EPHA3: variants seen among roughly 807,000 people sequenced by gnomAD.
The protein encoded by EPHA3 is ephrin type-A receptor 3.
EPHA3 carries 42 observed loss-of-function variants against 107.1 expected under a neutral mutation model. The observed-to-expected ratio is 0.39, with a 90% CI of 0.31 to 0.51. The LOEUF (loss-of-function observed/expected upper bound fraction) is 0.51. EPHA3 is among the 20% of genes least tolerant of loss of function. The pLI, the probability that EPHA3 is intolerant of heterozygous loss-of-function variation, is 0.78. For missense variants in EPHA3, 1,183 were observed against 1,211.2 expected, an observed-to-expected ratio of 0.98 and a Z score of 0.35; for synonymous variants, 461 against 424.8, an observed-to-expected ratio of 1.09 and a Z score of -1.05.
chr3:89,137,314 A>G (rs1394962593), intron 2 of EPHA3, among the ~76,000 whole-genome samples: 1 of 151,998 alleles, frequency 6.6e-6, no homozygotes, highest in African/African-American at 2.4e-5. Context: ...CGTGTAAAAC[A>G]AGAATTTATA....
chr3:89,139,346 T>C (rs1704378734), intron 2 of EPHA3, among the ~76,000 whole-genome samples: 1 of 151,880 alleles, frequency 6.6e-6, no homozygotes, highest in Non-Finnish European at 1.5e-5. Flanking sequence ...GTGGGTGATA[T>C]GAGTCAATTT....
intron 3 of EPHA3, among the ~76,000 whole-genome samples, chr3:89,314,526 G>C (rs901850689): frequency 2.0e-5 from 3 of 151,896 alleles, no homozygotes; most frequent in Non-Finnish European, 4.4e-5. Context: ...AATTATGAAA[G>C]AATACAAATG....
intron 3 of EPHA3, among the ~76,000 whole-genome samples, chr3:89,332,103 C>T (rs2107399697): frequency 6.6e-6 from 1 of 152,274 alleles, no homozygotes; most frequent in South Asian, 2.1e-4. Flanking sequence ...TAATCGTCTG[C>T]TCATTACATG....
At chr3:89,307,034 A>T (rs1227091860) in intron 3 of EPHA3, among the ~76,000 whole-genome samples, 1 of 152,228 alleles carries the variant, frequency 6.6e-6, no homozygotes, top group Non-Finnish European at 1.5e-5. Context: ...ACATTAAAAC[A>T]TAGATGAATA....
chr3:89,383,595 A>G (rs1576348829), intron 5 of EPHA3, among the ~76,000 whole-genome samples: 1 of 151,476 alleles, frequency 6.6e-6, no homozygotes, highest in East Asian at 1.9e-4. Flanking sequence ...CAAACAAATT[A>G]ATAAGAAACA....
chr3:89,115,127 G>C (rs1161065995), intron 1 of EPHA3, among the ~76,000 whole-genome samples: 1 of 152,148 alleles, frequency 6.6e-6, no homozygotes, highest in Non-Finnish European at 1.5e-5. Flanking sequence ...GAGACTCACA[G>C]GAGTTGCCTC....
chr3:89,322,546 C>G (rs1160166982), intron 3 of EPHA3, among the ~76,000 whole-genome samples: 3 of 151,998 alleles, frequency 2.0e-5, no homozygotes, highest in African/African-American at 7.2e-5. Context: ...AATGAAGGCT[C>G]CTTCCAAAAG....
intron 3 of EPHA3, among the ~76,000 whole-genome samples, chr3:89,317,942 G>A (rs138524678): frequency 8.6e-5 from 13 of 151,830 alleles, no homozygotes; most frequent in African/African-American, 3.1e-4. Flanking sequence ...TCATTTTATA[G>A]CCAGAGAAAA....
chr3:89,133,066 C>A (rs891614557), intron 2 of EPHA3, among the ~76,000 whole-genome samples: 1 of 152,062 alleles, frequency 6.6e-6, no homozygotes, highest in East Asian at 1.9e-4. Flanking sequence ...ATATAAATAT[C>A]ATTTCTTATT....
At chr3:89,419,890 A>G (rs1190933440) in intron 11 of EPHA3, among the ~76,000 whole-genome samples, 1 of 151,218 alleles carries the variant, frequency 6.6e-6, no homozygotes, top group Non-Finnish European at 1.5e-5. Context: ...ATCACAATAG[A>G]CCCAAGGCCG....
At chr3:89,427,325 G>A (rs1278113393) in intron 11 of EPHA3, among the ~76,000 whole-genome samples, 1 of 151,718 alleles carries the variant, frequency 6.6e-6, no homozygotes, top group Non-Finnish European at 1.5e-5. Context: ...TTTACATTTT[G>A]TACAAATCAA....
chr3:89,477,618 G>GTGTGTC (rs1257773120), intron 16 of EPHA3, among the ~76,000 whole-genome samples: 4 of 152,096 alleles, frequency 2.6e-5, no homozygotes, highest in Non-Finnish European at 5.9e-5. Flanking sequence ...GTGTGTGTGT[G>GTGTGTC]TGTGTCTGTG....
chr3:89,431,723 T>A (rs1285934707), intron 13 of EPHA3, among the ~76,000 whole-genome samples: 1 of 152,072 alleles, frequency 6.6e-6, no homozygotes, highest in Non-Finnish European at 1.5e-5. Context: ...GTACATATCA[T>A]TTTAAAGCAC....
intron 5 of EPHA3, among the ~76,000 whole-genome samples, chr3:89,373,272 A>G (rs1421911269): frequency 6.6e-6 from 1 of 151,884 alleles, no homozygotes; most frequent in Non-Finnish European, 1.5e-5. Context: ...TTACTTTTAA[A>G]GAAATTATAT....
At chr3:89,421,883 A>G (rs1485352007) in intron 11 of EPHA3, among the ~76,000 whole-genome samples, 1 of 150,896 alleles carries the variant, frequency 6.6e-6, no homozygotes, top group Non-Finnish European at 1.5e-5. Context: ...TAAAAATTGC[A>G]GGTATTATAT....
chr3:89,223,590 C>A (rs992705052), intron 3 of EPHA3, among the ~76,000 whole-genome samples: 2 of 152,140 alleles, frequency 1.3e-5, no homozygotes, highest in African/African-American at 4.8e-5. Flanking sequence ...GAGATTTACC[C>A]AGCAGGGTTG....
At chr3:89,249,548 C>T (rs2107260401) in intron 3 of EPHA3, among the ~76,000 whole-genome samples, 1 of 152,224 alleles carries the variant, frequency 6.6e-6, no homozygotes, top group Admixed American at 6.5e-5. Flanking sequence ...GCAACCTCCA[C>T]CTCCTGGGCT....
intron 13 of EPHA3, among the ~76,000 whole-genome samples, chr3:89,439,068 A>G (rs188254398): frequency 5.3e-5 from 8 of 152,328 alleles, no homozygotes; most frequent in Admixed American, 4.6e-4. Flanking sequence ...AGAGAATGCA[A>G]TTTTATATAG....
chr3:89,134,128 A>C (rs1704261391), intron 2 of EPHA3, among the ~76,000 whole-genome samples: 2 of 151,902 alleles, frequency 1.3e-5, no homozygotes, highest in South Asian at 2.1e-4. Context: ...AGAATGGTCA[A>C]CTTTGAGTTC....
Sources: allele counts gnomAD v4.1 joint callset (sites outside exome capture counted in the v4.1 genomes callset), GRCh38; gene constraint gnomAD v4.1.1; transcripts MANE v1.5; gene names NCBI Gene and HGNC (gene_info 2026-07-23, HGNC 2026-07-21).